Variants in SND1 observed in about 807,000 individuals in gnomAD.
SND1 encodes the protein staphylococcal nuclease domain-containing protein 1.
In SND1, 38 loss-of-function variants were observed where a neutral mutation model predicts 121.7. The ratio of observed to expected loss-of-function variants is 0.31; its 90% CI spans 0.24 to 0.41. SND1 has a LOEUF of 0.41. SND1 is among the 10% of genes least tolerant of loss of function. The pLI is 1.00. For missense variants in SND1, 868 were observed against 1,184.6 expected (o/e 0.73, Z 3.92); for synonymous variants, 401 against 447.4 (o/e 0.90, Z 1.31).
At chr7:127,771,639 C>G (rs879141630) in intron 10 of SND1, among the ~76,000 whole-genome samples, 1 of 152,084 alleles carries the variant, frequency 6.6e-6, no homozygotes, top group Admixed American at 6.6e-5. Flanking sequence ...AAAGCACCCC[C>G]CTATACACAT....
chr7:127,712,631 GC>G (rs386717666), intron 9 of SND1, among the ~76,000 whole-genome samples: 15 of 152,270 alleles, frequency 9.9e-5, no homozygotes, highest in African/African-American at 3.6e-4. Flanking sequence ...GTGTTTTCTC[GC>G]CACTGTCTCA....
intron 10 of SND1, among the ~76,000 whole-genome samples, chr7:127,764,467 G>C (rs920861035): frequency 6.6e-6 from 1 of 152,316 alleles, no homozygotes; most frequent in South Asian, 2.1e-4. Context: ...TGGTGTTGCT[G>C]TATTGCAGAT....
chr7:127,937,297 G>T (rs1801081791), intron 15 of SND1, among the ~76,000 whole-genome samples: 2 of 152,204 alleles, frequency 1.3e-5, no homozygotes, highest in Admixed American at 6.5e-5. Flanking sequence ...CAGCCACTTG[G>T]CAGGGAGTTC....
intron 16 of SND1, among the ~76,000 whole-genome samples, chr7:128,057,464 T>C (rs1793161699): frequency 6.6e-6 from 1 of 152,170 alleles, no homozygotes; most frequent in Non-Finnish European, 1.5e-5. Context: ...TCAGAACCAA[T>C]ACAGTGGCAC....
At chr7:128,030,497 G>A (rs372698616) in intron 16 of SND1, 6 of 1,613,358 alleles carry the variant, frequency 3.7e-6, no homozygotes, top group East Asian at 2.2e-5. Context: ...ACGAGCAGAC[G>A]GAGGGGCAGT....
At chr7:127,999,936 G>A (rs1584728149) in intron 16 of SND1, 1 of 151,830 alleles carries the variant, frequency 6.6e-6, no homozygotes, top group East Asian at 1.9e-4. Flanking sequence ...TCCCCTGAGA[G>A]GTAGGGTTTG....
At chr7:127,861,281 A>G (rs1264493252) in intron 12 of SND1, among the ~76,000 whole-genome samples, 1 of 152,162 alleles carries the variant, frequency 6.6e-6, no homozygotes, top group Non-Finnish European at 1.5e-5. Flanking sequence ...GATGTAAATC[A>G]TTGTATCATG....
chr7:127,768,092 C>A (rs1221234403), intron 10 of SND1, among the ~76,000 whole-genome samples: 1 of 152,188 alleles, frequency 6.6e-6, no homozygotes, highest in Non-Finnish European at 1.5e-5. Context: ...CTTTAGCCAG[C>A]ATAATCTGGG....
At chr7:127,743,706 C>G (rs1438100513) in intron 10 of SND1, among the ~76,000 whole-genome samples, 1 of 152,130 alleles carries the variant, frequency 6.6e-6, no homozygotes. Flanking sequence ...TGGTTTCTGG[C>G]TCTTGGAAGA....
chr7:127,685,128 T>G (rs892099056), intron 1 of SND1, among the ~76,000 whole-genome samples: 1 of 152,186 alleles, frequency 6.6e-6, no homozygotes, highest in Non-Finnish European at 1.5e-5. Context: ...TGGTGGTTGC[T>G]CAGATGTTTT....
chr7:127,944,273 T>A (rs3808077), intron 15 of SND1, among the ~76,000 whole-genome samples: 90,353 of 152,042 alleles, frequency 0.59, 27,271 homozygotes, highest in East Asian at 0.75. Flanking sequence ...GGTATTGGAA[T>A]CTGGCGTAAG....
intron 18 of SND1, among the ~76,000 whole-genome samples, chr7:128,082,360 C>T (rs532148256): frequency 1.3e-5 from 2 of 152,340 alleles, no homozygotes; most frequent in Admixed American, 6.5e-5. Context: ...GGGCAGTCCC[C>T]CAGATGGCAG....
chr7:127,795,920 T>C (rs1181522313), intron 10 of SND1, among the ~76,000 whole-genome samples: 3 of 152,026 alleles, frequency 2.0e-5, no homozygotes, highest in African/African-American at 4.8e-5. Flanking sequence ...TGCAGTGGCG[T>C]GATCTCGGTT....
chr7:127,814,713 T>C (rs964910270), intron 11 of SND1, among the ~76,000 whole-genome samples: 1 of 152,136 alleles, frequency 6.6e-6, no homozygotes, highest in South Asian at 2.1e-4. Flanking sequence ...AGGGTTTCTA[T>C]GTAAGTGGAT....
chr7:127,864,377 C>G (rs573225863), intron 12 of SND1, among the ~76,000 whole-genome samples: 1 of 152,014 alleles, frequency 6.6e-6, no homozygotes, highest in South Asian at 2.1e-4. Flanking sequence ...GAACAGTTCA[C>G]CACTTCTGTT....
rs1162530272 is a variant in SND1, at chr7:127,701,457, T to A, written c.589+134T>A. On this transcript the variant is annotated intron_variant, in intron 5 of 23. Transcript: ENST00000354725. The stretch of plus-strand genomic sequence containing the variant: ...AGTATCCATGGGAAATCCTTAAGGT[T>A]AAAACAGCACCTTAGTATTTCAGAA... 5.8e-6 allele frequency: 5 copies of A among 856,678 alleles called. No individual in the cohort carries two copies. The African/African-American group carries it at 6.8e-5, about 12-fold the overall frequency. The allele number at this position is 856,678 out of a possible 1,614,324, so 53.1% of individuals were successfully genotyped here.
chr7:127,700,088 T>C (rs1796075747), intron 4 of SND1, among the ~76,000 whole-genome samples: 1 of 152,226 alleles, frequency 6.6e-6, no homozygotes, highest in South Asian at 2.1e-4. Context: ...ATTACTGGCT[T>C]GATTACCATT....
intron 10 of SND1, among the ~76,000 whole-genome samples, chr7:127,793,592 A>C (rs1186127082): frequency 6.6e-6 from 1 of 152,140 alleles, no homozygotes; most frequent in Non-Finnish European, 1.5e-5. Context: ...TAGGATTGAC[A>C]TAAAAACATT....
chr7:127,958,375 G>A lies in SND1; in HGVS notation c.1669+29046G>A, dbSNP rs1201259103. On this transcript the variant is annotated intron_variant, in intron 15 of 23. Coordinates refer to ENST00000354725, the MANE Select transcript of SND1 (RefSeq NM_014390.4). ...TTTCACTGTTACCCTTATTTTGCTGGTGAGGAAACTTTGTCCAGTCGTCTG... is the reference window on the plus strand; with the variant it reads ...TTTCACTGTTACCCTTATTTTGCTGATGAGGAAACTTTGTCCAGTCGTCTG... Among the ~76,000 whole-genome samples, 14 of 152,138 alleles carry A rather than the reference G, an allele frequency of 9.2e-5. No homozygotes were observed. The East Asian group carries it at 2.7e-3, about 29-fold the overall frequency.
Sources: allele counts gnomAD v4.1 joint callset (sites outside exome capture counted in the v4.1 genomes callset), GRCh38; gene constraint gnomAD v4.1.1; transcripts MANE v1.5; gene names NCBI Gene and HGNC (gene_info 2026-07-23, HGNC 2026-07-21).